TGFBR3: variants seen among roughly 807,000 people sequenced by gnomAD.
TGFBR3 encodes the protein transforming growth factor beta receptor 3.
A neutral mutation model predicts 87.9 loss-of-function variants in TGFBR3; 46 were observed. The ratio of observed to expected loss-of-function variants is 0.52; its 90% CI spans 0.41 to 0.67. The LOEUF is 0.67. Ranked by LOEUF, TGFBR3 falls within the 30% of genes least tolerant of loss-of-function variation. TGFBR3 has a pLI of 0.00. For missense variants in TGFBR3, 866 were observed against 1,041.9 expected (o/e 0.83, Z 2.32); for synonymous variants, 381 against 391.6 (o/e 0.97, Z 0.32).
chr1:91,778,709 G>A (rs1214220205), intron 3 of TGFBR3, among the ~76,000 whole-genome samples: 1 of 152,164 alleles, frequency 6.6e-6, no homozygotes, highest in Non-Finnish European at 1.5e-5. Flanking sequence ...TTACTATGTA[G>A]TGGGCACTGT....
At position 91,683,653 on chromosome 1, in the gene TGFBR3, A is replaced by G. The variant is rs1403947506; in HGVS notation, c.*86T>C. On this transcript the variant is annotated 3_prime_UTR_variant, in exon 17 of 17. Coordinates refer to ENST00000212355, the MANE Select transcript of TGFBR3 (RefSeq NM_003243.5). ...AAAATCCAGCCCTCTGAGTCTGGACACGAGGCTCAGCCATTGGTCCTGCCC... is the reference window on the plus strand; with the variant it reads ...AAAATCCAGCCCTCTGAGTCTGGACGCGAGGCTCAGCCATTGGTCCTGCCC... The G allele has an allele frequency of 9.1e-7, 1 of 1,104,414 alleles. No individual in the cohort carries two copies. Among genetic ancestry groups the G allele is most frequent in the Non-Finnish European group, 1.3e-6 (1 of 762,520 alleles). 68.4% of individuals were successfully genotyped at this position (1,104,414 alleles called of 1,614,324 possible). A position where few individuals can be genotyped will look rare whatever the true frequency, so the allele number is the denominator to read the frequency against.
At chr1:91,804,608 T>TA (rs1675764067) in intron 2 of TGFBR3, among the ~76,000 whole-genome samples, 1 of 152,176 alleles carries the variant, frequency 6.6e-6, no homozygotes, top group African/African-American at 2.4e-5. Flanking sequence ...CACAAGTGCC[T>TA]GAGTTAACAC....
chr1:91,900,437 TTGTTAGC>T (rs1477407324), intron 1 of TGFBR3, among the ~76,000 whole-genome samples: 1 of 152,230 alleles, frequency 6.6e-6, no homozygotes, highest in Non-Finnish European at 1.5e-5. Context: ...TAAATCTAAG[TTGTTAGC>T]TGTTAGATGA....
chr1:91,736,351 GCTGTGTAGAACTACACAGGGCT>G (rs1354000151), intron 4 of TGFBR3, among the ~76,000 whole-genome samples: 3 of 150,776 alleles, frequency 2.0e-5, no homozygotes, highest in African/African-American at 7.3e-5. Context: ...GTCAGTGGTA[GCTGTGTAGAACTACACAGGGCT>G]CTGTGGAAGC....
intron 1 of TGFBR3, among the ~76,000 whole-genome samples, chr1:91,883,625 GC>G (rs1299950659): frequency 6.6e-6 from 1 of 152,140 alleles, no homozygotes; most frequent in African/African-American, 2.4e-5. Context: ...CCCACGGGTT[GC>G]CTTTGAAGTG....
intron 1 of TGFBR3, among the ~76,000 whole-genome samples, chr1:91,878,752 C>CA (rs568510439): frequency 1.3e-5 from 2 of 152,158 alleles, no homozygotes; most frequent in African/African-American, 4.8e-5. Context: ...CAATTTTACA[C>CA]AAAAAACCTG....
At chr1:91,695,848 T>C in intron 15 of TGFBR3, 69 bp from the exon 16 acceptor site, 1 of 1,254,990 alleles carries the variant, frequency 8.0e-7, no homozygotes. Flanking sequence ...AATTTTATAT[T>C]TGTTTCACAA....
chr1:91,836,137 C>T (rs532370624), intron 2 of TGFBR3, among the ~76,000 whole-genome samples: 1 of 152,190 alleles, frequency 6.6e-6, no homozygotes, highest in Non-Finnish European at 1.5e-5. Flanking sequence ...ATCCCAGCTA[C>T]TCAGGAGGCT....
chr1:91,869,429 C>T (rs1678503069), intron 1 of TGFBR3, among the ~76,000 whole-genome samples: 1 of 152,156 alleles, frequency 6.6e-6, no homozygotes, highest in African/African-American at 2.4e-5. Context: ...CTTTGGTAGG[C>T]CAAGGTGGGC....
chr1:91,798,556 T>A (rs1305025013), intron 2 of TGFBR3, among the ~76,000 whole-genome samples: 1 of 152,078 alleles, frequency 6.6e-6, no homozygotes, highest in Non-Finnish European at 1.5e-5. Context: ...ACAACAAACA[T>A]CTCAAGCTGA....
At chr1:91,847,965 T>C (rs988402540) in intron 2 of TGFBR3, among the ~76,000 whole-genome samples, 2 of 152,142 alleles carry the variant, frequency 1.3e-5, no homozygotes, top group Admixed American at 6.5e-5. Context: ...TAACAACTGT[T>C]AGGATTATGT....
At chr1:91,857,862 C>T (rs971826054) in intron 2 of TGFBR3, among the ~76,000 whole-genome samples, 2 of 152,206 alleles carry the variant, frequency 1.3e-5, no homozygotes, top group East Asian at 3.9e-4. Context: ...TTGTACTCAG[C>T]AGGGATCAGT....
chr1:91,837,477 C>T (rs952144047), intron 2 of TGFBR3, among the ~76,000 whole-genome samples: 2 of 152,104 alleles, frequency 1.3e-5, no homozygotes, highest in Non-Finnish European at 2.9e-5. Flanking sequence ...AACTCCTGAC[C>T]TCATGATCCA....
chr1:91,769,404 T>C (rs1674297012), intron 3 of TGFBR3, among the ~76,000 whole-genome samples: 1 of 152,032 alleles, frequency 6.6e-6, no homozygotes, highest in Non-Finnish European at 1.5e-5. Flanking sequence ...CACATTCTCC[T>C]CCTAAACCAA....
chr1:91,786,341 T>G (rs1571508968), intron 3 of TGFBR3: 1 of 434,502 alleles, frequency 2.3e-6, no homozygotes, highest in Non-Finnish European at 4.6e-6. Flanking sequence ...AAGAGGCCAG[T>G]CCCAGGAGAC....
rs529372117 is a variant in TGFBR3, at chr1:91,712,019, A to C, written c.2166+224T>G. 2.0e-5 allele frequency among the ~76,000 whole-genome samples: 3 copies of C among 152,360 alleles called. No homozygotes were observed. In the South Asian group the frequency reaches 6.2e-4, roughly 32 times the overall value. On this transcript the variant is annotated intron_variant, in intron 13 of 16. Coordinates refer to ENST00000212355, the MANE Select transcript of TGFBR3 (RefSeq NM_003243.5). ...AAAAGCGTCTTGATTTATCACTCGT[A>C]AGGTACTACTAAGTAGCACGCATGG...
chr1:91,871,824 T>C (rs1451341869), intron 1 of TGFBR3, among the ~76,000 whole-genome samples: 2 of 152,194 alleles, frequency 1.3e-5, no homozygotes, highest in Non-Finnish European at 2.9e-5. Flanking sequence ...ACCTGCCTTT[T>C]CTAAGCAATA....
intron 1 of TGFBR3, among the ~76,000 whole-genome samples, chr1:91,866,570 A>G (rs1415987306): frequency 6.6e-6 from 1 of 152,224 alleles, no homozygotes; most frequent in African/African-American, 2.4e-5. Context: ...ACTACTTCTC[A>G]CAAGACATTT....
chr1:91,721,607 T>C (rs1017718315), intron 8 of TGFBR3, among the ~76,000 whole-genome samples: 5 of 152,234 alleles, frequency 3.3e-5, no homozygotes, highest in African/African-American at 9.6e-5. Flanking sequence ...TCCTAAAAGA[T>C]ACAGCCTTTT....
Sources: gnomAD v4.1 joint callset for allele counts (sites outside exome capture counted in the v4.1 genomes callset) on GRCh38, gnomAD v4.1.1 for gene constraint, MANE v1.5 for transcripts, NCBI Gene and HGNC (gene_info 2026-07-23, HGNC 2026-07-21) for gene names.